The following ANKRD11 variants were observed in gnomAD, a reference collection of about 807,000 sequenced individuals.
ANKRD11 encodes the protein ankyrin repeat domain 11, also known as ankyrin repeat domain-containing protein 11.
In ANKRD11, 17 loss-of-function variants were observed where a neutral mutation model predicts 195.7. The observed-to-expected ratio is 0.09, with a 90% CI of 0.06 to 0.13. The LOEUF (loss-of-function observed/expected upper bound fraction) is 0.13. ANKRD11 is among the 10% of genes least tolerant of loss of function. The pLI is 1.00. For synonymous variants in ANKRD11, 1,953 were observed against 1,528.1 expected, an observed-to-expected ratio of 1.28 and a Z score of -6.49; for missense variants, 3,735 against 3,566.1, an observed-to-expected ratio of 1.05 and a Z score of -1.21.
chr16:89,427,095 A>G (rs1444414178), intron 1 of ANKRD11, among the ~76,000 whole-genome samples: 2 of 152,216 alleles, frequency 1.3e-5, no homozygotes, highest in African/African-American at 4.8e-5. Flanking sequence ...TCAATATACA[A>G]AAGTCAGCTG....
chr16:89,317,021 G>T lies in ANKRD11; in HGVS notation c.-2C>A, dbSNP rs756684707. 1 of 1,612,870 alleles carries T rather than the reference G, an allele frequency of 6.2e-7. No homozygotes were observed. The highest frequency in any genetic ancestry group is 1.1e-5 in the South Asian group (1 of 90,722). ...TTTAGGGCACCCACCCTTGGGCATC[G>T]TCCTGCTCCTCACCCGATCTTCATT... On this transcript the variant is annotated 5_prime_UTR_variant, in exon 3 of 13. Transcript: ENST00000301030.
At chr16:89,359,117 A>G (rs1267000993) in intron 2 of ANKRD11, among the ~76,000 whole-genome samples, 1 of 152,196 alleles carries the variant, frequency 6.6e-6, no homozygotes, top group Non-Finnish European at 1.5e-5. Context: ...TATATAAAAC[A>G]TCATTGTCAC....
At position 89,282,085 on chromosome 16, in the gene ANKRD11, C is replaced by T. The variant is rs1489486003; in HGVS notation, c.4457G>A (p.Arg1486Gln). 2.5e-6 allele frequency: 4 copies of T among 1,613,808 alleles called. No homozygotes were observed. Among genetic ancestry groups the T allele is most frequent in the Admixed American group, 1.7e-5 (1 of 60,004 alleles). The change falls in exon 9 of 13, where the codon CGG (arginine) becomes CAG (glutamine). Residue 1486 changes from arginine (R) to glutamine (Q), a missense_variant. By Grantham distance (43) the Arg-to-Gln change is conservative. Coordinates refer to ENST00000301030, the MANE Select transcript of ANKRD11 (RefSeq NM_013275.6). The part of the protein sequence containing the change: ...HRDRHADGLL[R>Q]HHRDELLRHH... ...CCGCAGGAGCTCGTCCCTGTGATGC[C>T]GCAGCAGCCCATCCGCATGCCTGTC...
In ANKRD11 at chr16:89,329,995, A is replaced by AAAAATAAAATAAAATAAAATAAAAT. The variant is rs71134203; in HGVS notation, c.-59-12942_-59-12918dup. Among the ~76,000 whole-genome samples the AAAAATAAAATAAAATAAAATAAAAT allele has an allele frequency of 1.7e-3, 251 of 146,312 alleles. 2 individuals carry two copies. The highest frequency in any genetic ancestry group is 6.1e-3 in the African/African-American group (241 of 39,292). On this transcript the variant is annotated intron_variant, in intron 2 of 12. Transcript: ENST00000301030. ...ACAGACAAGAGTGAGACCTTGTCTC[A>AAAAATAAAATAAAATAAAATAAAAT]AAAATAAAATAAAATAAAATAAAAT... is the stretch of plus-strand genomic sequence containing the variant.
intron 2 of ANKRD11, among the ~76,000 whole-genome samples, chr16:89,363,170 T>C (rs944185678): frequency 2.0e-5 from 3 of 151,960 alleles, no homozygotes; most frequent in Admixed American, 6.6e-5. Context: ...CTATCCCTGT[T>C]AAAAAAAATA....
At chr16:89,278,231 G>A (rs2033827413) in intron 9 of ANKRD11, 12 of 344,150 alleles carry the variant, frequency 3.5e-5, no homozygotes, top group South Asian at 2.6e-4. Flanking sequence ...GCACAGCTCA[G>A]GCCGTCACCG....
At chr16:89,411,818 C>G (rs1038672978) in intron 2 of ANKRD11, among the ~76,000 whole-genome samples, 1 of 152,194 alleles carries the variant, frequency 6.6e-6, no homozygotes, top group African/African-American at 2.4e-5. Context: ...AAAAAAGAGA[C>G]TAGAATTCTC....
chr16:89,469,915 T>G (rs1445251428), intron 1 of ANKRD11, among the ~76,000 whole-genome samples: 1 of 14,086 alleles, frequency 7.1e-5, no homozygotes, highest in African/African-American at 3.2e-4. Flanking sequence ...TTTTTCCTTT[T>G]CTTTTGTTTT....
chr16:89,405,945 AC>A (rs938717451), intron 2 of ANKRD11, among the ~76,000 whole-genome samples: 94 of 152,202 alleles, frequency 6.2e-4, no homozygotes, highest in African/African-American at 2.2e-3. Context: ...CCCCGTCTCT[AC>A]TAAAAAGACA....
chr16:89,401,153 GTGTGATCTCGACTCAT>G (rs1394104851), intron 2 of ANKRD11, among the ~76,000 whole-genome samples: 1 of 146,398 alleles, frequency 6.8e-6, no homozygotes, highest in Non-Finnish European at 1.5e-5. Flanking sequence ...GAGTGCAATG[GTGTGATCTCGACTCAT>G]TGCAACCTCT....
chr16:89,300,559 C>A (rs145770894), intron 4 of ANKRD11: 5 of 305,494 alleles, frequency 1.6e-5, no homozygotes, highest in Non-Finnish European at 6.0e-6. Flanking sequence ...ACACACTTGT[C>A]GCCTCTAGCA....
intron 1 of ANKRD11, among the ~76,000 whole-genome samples, chr16:89,432,294 G>T (rs1302040729): frequency 1.3e-5 from 2 of 149,586 alleles, no homozygotes; most frequent in Non-Finnish European, 3.0e-5. Context: ...GAAAATAAAA[G>T]CTTCACAGGA....
Position 89,398,762 on chromosome 16 carries a change from T to A in ANKRD11, c.-60+19522A>T, listed in dbSNP as rs117763345. The stretch of plus-strand genomic sequence containing the variant: ...GTGTGTCCAAAAAAAAAAATCCCAA[T>A]ACACTGTTAGTGTCTCAAGCCCAGG... On this transcript the variant is annotated intron_variant, in intron 2 of 12. Transcript: ENST00000301030. Among the ~76,000 whole-genome samples the A allele has an allele frequency of 5.8e-4, 88 of 151,986 alleles. 3 individuals carry two copies. Among genetic ancestry groups the A allele is most frequent in the Non-Finnish European group, 4.6e-4 (31 of 67,966 alleles).
At chr16:89,472,706 C>T (rs1158850752) in intron 1 of ANKRD11, among the ~76,000 whole-genome samples, 3 of 152,152 alleles carry the variant, frequency 2.0e-5, no homozygotes, top group Admixed American at 1.3e-4. Context: ...GGTATCTGCC[C>T]TAAGTGTGCC....
chr16:89,336,744 C>T (rs1245263054), intron 2 of ANKRD11, among the ~76,000 whole-genome samples: 1 of 152,166 alleles, frequency 6.6e-6, no homozygotes, highest in Admixed American at 6.5e-5. Flanking sequence ...TACCTATCTG[C>T]TTCTAATGTT....
intron 1 of ANKRD11, among the ~76,000 whole-genome samples, chr16:89,435,476 A>G (rs1325521028): frequency 6.6e-6 from 1 of 152,124 alleles, no homozygotes; most frequent in Non-Finnish European, 1.5e-5. Context: ...TATGAGCTGT[A>G]ACCCTCAGCG....
rs769244635 is a variant in ANKRD11 at position 89,281,349 on chromosome 16, G to T, written c.5193C>A (p.Asp1731Glu). The T allele has an allele frequency of 1.2e-6, 2 of 1,612,028 alleles. No individual in the cohort carries two copies. The highest frequency in any genetic ancestry group is 4.5e-5 in the East Asian group (2 of 44,826). The change falls in exon 9 of 13, where the codon GAC becomes GAA. Residue 1731 changes from aspartate to glutamate, a missense_variant. Asp to Glu is a conservative substitution (Grantham distance 45, BLOSUM62 2). Coordinates refer to ENST00000301030, the MANE Select transcript of ANKRD11 (RefSeq NM_013275.6). This position sits in a 1 kb window ranked among gnomAD's most constrained non-coding sequence, Gnocchi z 5.5. ...CGCAGTCGAACACGAGGTCCGCGTA[G>T]TCATCGGCGCTGCAGGACGGGGTCC... Reference protein sequence around the residue: ...TPRTPSCSADDYADLVFDCAD... With the variant: ...TPRTPSCSADEYADLVFDCAD...
chr16:89,411,813 A>G (rs909119267), intron 2 of ANKRD11, among the ~76,000 whole-genome samples: 9 of 152,214 alleles, frequency 5.9e-5, no homozygotes, highest in Non-Finnish European at 1.0e-4. Context: ...GGGGAAAAAA[A>G]GAGACTAGAA....
At chr16:89,313,196 GC>G in intron 3 of ANKRD11, 1 of 1,053,714 alleles carries the variant, frequency 9.5e-7, no homozygotes, top group South Asian at 1.5e-5. Context: ...GGGCTGTGAG[GC>G]TGCCTGTGCT....
Sources: allele counts gnomAD v4.1 joint callset (sites outside exome capture counted in the v4.1 genomes callset), GRCh38; gene constraint gnomAD v4.1.1; non-coding constraint Gnocchi (gnomAD v3.1); transcripts MANE v1.5; gene names NCBI Gene and HGNC (gene_info 2026-07-23, HGNC 2026-07-21).